The following ADAMTS2 variants were observed in gnomAD, a reference collection of about 807,000 sequenced individuals.
ADAMTS2 encodes the protein ADAM metallopeptidase with thrombospondin type 1 motif 2.
Under a neutral mutation model 123.0 loss-of-function variants are expected in ADAMTS2, and 50 were observed. That is an observed-to-expected ratio of 0.41 (90% confidence interval 0.32 to 0.51). ADAMTS2 has a LOEUF of 0.51. Ranked by LOEUF, ADAMTS2 falls within the 20% of genes least tolerant of loss-of-function variation. The pLI is 0.35. For missense variants in ADAMTS2, 1,494 were observed against 1,705.2 expected (o/e 0.88, Z 2.18); for synonymous variants, 678 against 695.4 (o/e 0.98, Z 0.39).
rs1217625378 is a variant in ADAMTS2 at position 179,111,971 on chromosome 5, G to C, written c.*1896C>G. 6.6e-6 allele frequency: 1 copy of C among 152,388 alleles called. No homozygotes were observed. Among genetic ancestry groups the C allele is most frequent in the African/African-American group, 2.4e-5 (1 of 41,464 alleles). 9.4% of individuals were successfully genotyped at this position (152,388 alleles called of 1,614,324 possible). On this transcript the variant is annotated 3_prime_UTR_variant, in exon 22 of 22. Coordinates refer to ENST00000251582, the MANE Select transcript of ADAMTS2 (RefSeq NM_014244.5). ...CCAGGAGACACGGGGACAGTGCGCAGCACGTGTGGGATGCGGTGGTGGAGG... is the reference window on the plus strand; with the variant it reads ...CCAGGAGACACGGGGACAGTGCGCACCACGTGTGGGATGCGGTGGTGGAGG...
chr5:179,200,507 C>T (rs1048295308), intron 4 of ADAMTS2, among the ~76,000 whole-genome samples: 3 of 152,092 alleles, frequency 2.0e-5, no homozygotes, highest in Non-Finnish European at 4.4e-5. Flanking sequence ...CCTTGGCCTC[C>T]CAAAGTCCTA....
intron 12 of ADAMTS2, among the ~76,000 whole-genome samples, chr5:179,136,563 G>A (rs190404792): frequency 6.6e-6 from 1 of 151,870 alleles, no homozygotes; most frequent in Non-Finnish European, 1.5e-5. Flanking sequence ...TACTTGGGAG[G>A]CTGAGGCAGG....
intron 12 of ADAMTS2, among the ~76,000 whole-genome samples, chr5:179,136,416 A>G (rs534938716): frequency 3.1e-4 from 47 of 152,178 alleles, no homozygotes; most frequent in Non-Finnish European, 5.9e-4. Flanking sequence ...CTGTAATCCC[A>G]GCGCTTTGGG....
rs997818526 is a variant in ADAMTS2 at position 179,189,230 on chromosome 5, C to G, written c.892-8075G>C. Among the ~76,000 whole-genome samples the G allele has an allele frequency of 3.3e-5, 5 of 152,126 alleles. No individual in the cohort carries two copies. Among genetic ancestry groups the G allele is most frequent in the Non-Finnish European group, 5.9e-5 (4 of 68,024 alleles). On this transcript the variant is annotated intron_variant, in intron 4 of 21. Coordinates refer to ENST00000251582, the MANE Select transcript of ADAMTS2 (RefSeq NM_014244.5). This position sits in a 1 kb window ranked among gnomAD's most constrained non-coding sequence, Gnocchi z 4.2. ...GATCACCAAACAGGCTTTGTGTGAG[C>G]AATAAAGCTTTTTAATCACCTGGGT...
chr5:179,153,676 C>T, intron 8 of ADAMTS2, 53 bp from the exon 9 acceptor site: 1 of 1,567,114 alleles, frequency 6.4e-7, no homozygotes, highest in Admixed American at 1.8e-5. Flanking sequence ...TGACCATCCA[C>T]AGCCCTGGAG....
intron 2 of ADAMTS2, among the ~76,000 whole-genome samples, chr5:179,292,233 A>G (rs1173721416): frequency 6.6e-6 from 1 of 151,820 alleles, no homozygotes; most frequent in African/African-American, 2.4e-5. Context: ...AACCAGCACT[A>G]AATACATGGG....
intron 2 of ADAMTS2, among the ~76,000 whole-genome samples, chr5:179,319,849 C>T (rs1757110937): frequency 1.3e-5 from 2 of 152,172 alleles, no homozygotes; most frequent in African/African-American, 4.8e-5. Flanking sequence ...GCACCCAAAC[C>T]CAGGTCCCCA....
At position 179,118,065 on chromosome 5, in the gene ADAMTS2, C is replaced by G. The variant is rs1467331869; in HGVS notation, c.3178+3596G>C. Reference sequence around the variant, plus strand: ...AGCCCCAGGTGGGGTCCCCCTTCCACCTGGTCTACATACTGGACTTCTATG... The same window carrying G: ...AGCCCCAGGTGGGGTCCCCCTTCCAGCTGGTCTACATACTGGACTTCTATG... On this transcript the variant is annotated intron_variant, in intron 21 of 21. Transcript: ENST00000251582. This position sits in a 1 kb window ranked among gnomAD's most constrained non-coding sequence, Gnocchi z 4.5. Among the ~76,000 whole-genome samples the G allele has an allele frequency of 2.0e-5, 3 of 152,168 alleles. No individual in the cohort carries two copies. The highest frequency in any genetic ancestry group is 7.2e-5 in the African/African-American group (3 of 41,436).
intron 3 of ADAMTS2, among the ~76,000 whole-genome samples, chr5:179,245,773 AAAAAAAAAAAAAAAAAAAAAAAC>A (rs1163556482): frequency 8.1e-6 from 1 of 123,854 alleles, no homozygotes; most frequent in African/African-American, 2.9e-5. Flanking sequence ...CTCAAAAAAA[AAAAAAAAAAAAAAAAAAAAAAAC>A]AAAAAAAACA....
At chr5:179,213,981 C>T (rs442406) in intron 3 of ADAMTS2, among the ~76,000 whole-genome samples, 38,255 of 152,162 alleles carry the variant, frequency 0.25, 4,880 homozygotes, top group South Asian at 0.27. Context: ...GAAAACCTAA[C>T]GTTCAAACCC....
intron 5 of ADAMTS2, among the ~76,000 whole-genome samples, chr5:179,168,722 G>A (rs985508479): frequency 6.6e-6 from 1 of 152,132 alleles, no homozygotes; most frequent in Non-Finnish European, 1.5e-5. Flanking sequence ...AGAATGAATG[G>A]CAGGGACAAG....
At chr5:179,212,959 C>A (rs966622347) in intron 3 of ADAMTS2, among the ~76,000 whole-genome samples, 2 of 152,088 alleles carry the variant, frequency 1.3e-5, no homozygotes, top group African/African-American at 4.8e-5. Flanking sequence ...CAAATTTAGG[C>A]CCCCTGAAAG....
chr5:179,287,082 C>T (rs1020371597), intron 2 of ADAMTS2, among the ~76,000 whole-genome samples: 3 of 152,188 alleles, frequency 2.0e-5, no homozygotes, highest in African/African-American at 4.8e-5. Flanking sequence ...AGCCTCCAGG[C>T]GCCAAGTCCA....
At chr5:179,151,960 G>T (rs1763365443) in intron 10 of ADAMTS2, among the ~76,000 whole-genome samples, 182 bp downstream of exon 10, 1 of 152,178 alleles carries the variant, frequency 6.6e-6, no homozygotes, top group African/African-American at 2.4e-5. Context: ...CAGAAGCACA[G>T]GGTGGAGGCA....
intron 2 of ADAMTS2, among the ~76,000 whole-genome samples, chr5:179,292,108 C>A (rs1005631375): frequency 6.6e-6 from 1 of 151,892 alleles, no homozygotes; most frequent in African/African-American, 2.4e-5. Flanking sequence ...ACACTCTGGG[C>A]AAGATCCACA....
chr5:179,152,890 G>T (rs1763388508), intron 9 of ADAMTS2, among the ~76,000 whole-genome samples: 1 of 152,142 alleles, frequency 6.6e-6, no homozygotes. Context: ...GTGGGCTCAG[G>T]CAGGTTACCT....
In ADAMTS2 at chr5:179,262,820, C is replaced by T. The variant is rs969520568; in HGVS notation, c.688+10091G>A. ...TGAGCCCAGAGAACAGGGACTCGATCGGGTTCCTCCGCTGCTACAGCCCCA... is the reference window on the plus strand; with the variant it reads ...TGAGCCCAGAGAACAGGGACTCGATTGGGTTCCTCCGCTGCTACAGCCCCA... On this transcript the variant is annotated intron_variant, in intron 3 of 21. Transcript: ENST00000251582. The surrounding 1 kb of genome is among the most constrained non-coding windows in gnomAD (Gnocchi z 5.9). 4.6e-5 allele frequency among the ~76,000 whole-genome samples: 7 copies of T among 152,260 alleles called. No individual in the cohort carries two copies. The highest frequency in any genetic ancestry group is 1.7e-4 in the African/African-American group (7 of 41,472).
At chr5:179,342,186 C>A (rs567464754) in intron 2 of ADAMTS2, among the ~76,000 whole-genome samples, 74 of 152,336 alleles carry the variant, frequency 4.9e-4, no homozygotes, top group East Asian at 9.6e-4. Flanking sequence ...CAAGTCCTCC[C>A]CAAAATGCTC....
At chr5:179,340,633 C>T (rs1266437544) in intron 2 of ADAMTS2, among the ~76,000 whole-genome samples, 1 of 152,194 alleles carries the variant, frequency 6.6e-6, no homozygotes, top group Admixed American at 6.5e-5. Context: ...AGCAAGCTAT[C>T]TCGACTTTTG....
Sources: gnomAD v4.1 joint callset for allele counts (sites outside exome capture counted in the v4.1 genomes callset) on GRCh38, gnomAD v4.1.1 for gene constraint, Gnocchi (gnomAD v3.1) non-coding constraint, MANE v1.5 for transcripts, NCBI Gene and HGNC (gene_info 2026-07-23, HGNC 2026-07-21) for gene names.